The following STRA8 variants were observed in gnomAD, a reference collection of about 807,000 sequenced individuals.
STRA8 encodes stimulated by retinoic acid 8, also known as stimulated by retinoic acid gene 8 protein homolog.
A neutral mutation model predicts 37.1 loss-of-function variants in STRA8; 18 were observed. That is an observed-to-expected ratio of 0.48 (90% CI 0.34 to 0.72). The LOEUF (loss-of-function observed/expected upper bound fraction) is 0.72. Among genes scored for constraint, STRA8 ranks in the 30% least tolerant of loss-of-function variants. The pLI, the probability that STRA8 is intolerant of heterozygous loss-of-function variation, is 0.01. For synonymous variants in STRA8, 168 were observed against 162.9 expected, an observed-to-expected ratio of 1.03 and a Z score of -0.24; for missense variants, 357 against 410.4, an observed-to-expected ratio of 0.87 and a Z score of 1.13.
chr7:135,247,712 A>C (rs527862508), intron 6 of STRA8, among the ~76,000 whole-genome samples: 4 of 152,292 alleles, frequency 2.6e-5, no homozygotes, highest in Non-Finnish European at 2.9e-5. Flanking sequence ...TGTGAAGGGG[A>C]GGTTACCACA....
rs138914549 is a variant in STRA8, at chr7:135,254,010, C to G, written c.954-1104C>G. Among the ~76,000 whole-genome samples the G allele has an allele frequency of 5.6e-3, 854 of 152,282 alleles. 9 individuals carry two copies. Among genetic ancestry groups the G allele is most frequent in the Non-Finnish European group, 4.6e-3 (311 of 68,022 alleles). ...CACATCAACATTTTCCCTCCATTCT[C>G]CCTGTTCCACCCAGGCCTAGATGGA... On this transcript the variant is annotated intron_variant, in intron 7 of 8. Transcript: ENST00000662584.
At chr7:135,232,100 T>TTG (rs1318223139), upstream of STRA8, 2 of 1,495,770 alleles carry the variant, frequency 1.3e-6, no homozygotes. Flanking sequence ...GCACATCTGC[T>TTG]TGTGTGTGTG....
In STRA8 at chr7:135,242,829, A is replaced by T. The variant is rs752025503; in HGVS notation, c.241A>T (p.Thr81Ser). 1.2e-6 allele frequency: 2 copies of T among 1,614,230 alleles called. No homozygotes were observed. The highest frequency in any genetic ancestry group is 1.7e-6 in the Non-Finnish European group (2 of 1,180,042). Residue 81 changes from threonine (T) to serine (S), a missense_variant, in exon 3 of 9, where the codon ACC (threonine) becomes TCC (serine). By Grantham distance (58) the Thr-to-Ser change is moderately conservative. Coordinates refer to ENST00000662584, the MANE Select transcript of STRA8 (RefSeq NM_001394401.1). ...AKSHIPELEQTLDNLLKLKAS... is the reference protein window; with the variant it reads ...AKSHIPELEQSLDNLLKLKAS... ...GAGTCATATTCCAGAACTGGAGCAA[A>T]CCCTGGATAATTTGCTGAAGCTGAA... is the stretch of plus-strand genomic sequence containing the variant.
intron 6 of STRA8, among the ~76,000 whole-genome samples, chr7:135,250,504 G>C (rs780064719): frequency 3.9e-5 from 6 of 152,116 alleles, no homozygotes; most frequent in African/African-American, 4.8e-5. Flanking sequence ...AAAACTAAGA[G>C]AGGGGCCAGA....
At chr7:135,252,009 A>AGTGTGTGT (rs1347220596) in intron 7 of STRA8, 140 bp downstream of exon 7, 1 of 691,828 alleles carries the variant, frequency 1.4e-6, no homozygotes. Flanking sequence ...AGGGAGAGAG[A>AGTGTGTGT]GAGAGTGTGT....
chr7:135,241,931 C>T (rs1319867057), intron 2 of STRA8, among the ~76,000 whole-genome samples: 4 of 151,940 alleles, frequency 2.6e-5, no homozygotes, highest in South Asian at 4.2e-4. Context: ...TAGCATTGCT[C>T]GTTTTTGAAT....
At chr7:135,232,025 T>C (rs1585461794), upstream of STRA8, 3 of 1,613,882 alleles carry the variant, frequency 1.9e-6, no homozygotes, top group Non-Finnish European at 2.5e-6. Context: ...AATCAAGAAA[T>C]CAGGCTGTGG....
At chr7:135,235,516 A>G (rs1832362176) in intron 1 of STRA8, among the ~76,000 whole-genome samples, 1 of 149,280 alleles carries the variant, frequency 6.7e-6, no homozygotes, top group Non-Finnish European at 1.5e-5. Flanking sequence ...ATCTCAGCTC[A>G]CTGCAACCTC....
chr7:135,252,454 C>G (rs1006693024), intron 7 of STRA8, among the ~76,000 whole-genome samples: 4 of 152,176 alleles, frequency 2.6e-5, no homozygotes, highest in African/African-American at 4.8e-5. Flanking sequence ...GGTGGGGACA[C>G]AGAGCCAAAT....
intron 1 of STRA8, among the ~76,000 whole-genome samples, chr7:135,236,933 G>A (rs1484366167): frequency 6.6e-6 from 1 of 152,192 alleles, no homozygotes; most frequent in Admixed American, 6.5e-5. Flanking sequence ...CACTTCCTGG[G>A]AGGGACACAA....
rs369378943 is a variant in STRA8, at chr7:135,242,905, G to T, written c.268+49G>T. Reference sequence around the variant, plus strand: ...CCCATCTCCCTCCCTGGAGAAAACTGGATCTGTTTTTCTATTGAAAACAGA... The same window carrying T: ...CCCATCTCCCTCCCTGGAGAAAACTTGATCTGTTTTTCTATTGAAAACAGA... On this transcript the variant is annotated intron_variant, in intron 3 of 8. Coordinates refer to ENST00000662584, the MANE Select transcript of STRA8 (RefSeq NM_001394401.1). 1.9e-6 allele frequency: 3 copies of T among 1,581,248 alleles called. No homozygotes were observed. The African/African-American group carries it at 4.0e-5, about 21-fold the overall frequency.
chr7:135,238,108 A>G (rs1223239777), intron 1 of STRA8, among the ~76,000 whole-genome samples: 1 of 152,176 alleles, frequency 6.6e-6, no homozygotes, highest in East Asian at 1.9e-4. Context: ...TCTAATTAAG[A>G]GTAACATCTC....
chr7:135,247,464 G>A (rs933611271), intron 6 of STRA8, among the ~76,000 whole-genome samples: 3 of 152,140 alleles, frequency 2.0e-5, no homozygotes, highest in Non-Finnish European at 4.4e-5. Flanking sequence ...TAGAGCAATC[G>A]AACTGTCTTT....
chr7:135,243,493 C>T, intron 4 of STRA8, 83 bp downstream of exon 4: 1 of 1,266,838 alleles, frequency 7.9e-7, no homozygotes, highest in Non-Finnish European at 1.1e-6. Flanking sequence ...ACTCACCCTT[C>T]CTCTCCAGCC....
intron 4 of STRA8, 127 bp from the exon 5 acceptor site, chr7:135,245,161 T>A: frequency 1.6e-6 from 1 of 637,342 alleles, no homozygotes; most frequent in Non-Finnish European, 2.9e-6. Flanking sequence ...CATTTGGTCA[T>A]GATGTGTACA....
intron 6 of STRA8, among the ~76,000 whole-genome samples, chr7:135,251,025 A>T (rs553191055): frequency 6.6e-6 from 1 of 152,336 alleles, no homozygotes; most frequent in Non-Finnish European, 1.5e-5. Context: ...TGTGTCAACA[A>T]TGGATATCTG....
chr7:135,245,841 G>A (rs1832543382), intron 5 of STRA8, among the ~76,000 whole-genome samples: 1 of 152,072 alleles, frequency 6.6e-6, no homozygotes, highest in South Asian at 2.1e-4. Flanking sequence ...TGATTATGAG[G>A]GCTAACCCCT....
intron 8 of STRA8, among the ~76,000 whole-genome samples, chr7:135,257,619 A>G (rs144211621): frequency 0.38 from 57,954 of 151,486 alleles, 12,739 homozygotes; most frequent in African/African-American, 0.61. Flanking sequence ...TAGAGACAGC[A>G]TTTCGCCATG....
intron 8 of STRA8, among the ~76,000 whole-genome samples, chr7:135,255,578 A>T (rs947211541): frequency 1.3e-5 from 2 of 152,244 alleles, no homozygotes; most frequent in African/African-American, 4.8e-5. Flanking sequence ...CTGTCAGATC[A>T]GTGGCAGCGT....
Sources: allele counts gnomAD v4.1 joint callset (sites outside exome capture counted in the v4.1 genomes callset), GRCh38; gene constraint gnomAD v4.1.1; transcripts MANE v1.5; gene names NCBI Gene and HGNC (gene_info 2026-07-23, HGNC 2026-07-21).